Variants in RIMS2 observed in about 807,000 individuals in gnomAD.
The protein encoded by RIMS2 is regulating synaptic membrane exocytosis 2, also known as regulating synaptic membrane exocytosis protein 2.
Under a neutral mutation model 174.4 loss-of-function variants are expected in RIMS2, and 59 were observed. The observed-to-expected ratio is 0.34, with a 90% confidence interval of 0.27 to 0.42. The LOEUF (loss-of-function observed/expected upper bound fraction) is 0.42. RIMS2 is among the 10% of genes least tolerant of loss of function. The pLI is 1.00. For missense variants in RIMS2, 1,620 were observed against 1,666.3 expected (o/e 0.97, Z 0.48); for synonymous variants, 606 against 572.5 (o/e 1.06, Z -0.84).
intron 19 of RIMS2, among the ~76,000 whole-genome samples, chr8:104,188,232 TA>T (rs1273759647): frequency 2.2e-5 from 3 of 134,890 alleles, no homozygotes; most frequent in African/African-American, 5.8e-5. Flanking sequence ...GATAGATAGA[TA>T]GATAGATAGA....
chr8:103,886,176 C>T, exon 4 of RIMS2: 1 of 1,612,102 alleles, frequency 6.2e-7, no homozygotes, highest in Non-Finnish European at 8.5e-7. Flanking sequence ...CCTGAATATA[C>T]AAGTTGTGAT....
intron 1 of RIMS2, among the ~76,000 whole-genome samples, chr8:103,661,656 G>A (rs75080795): frequency 2.0e-5 from 3 of 151,944 alleles, no homozygotes; most frequent in Admixed American, 6.6e-5. Flanking sequence ...GGCACACGCC[G>A]CCACCCCTGG....
At chr8:104,006,720 A>G (rs144946776) in intron 17 of RIMS2, among the ~76,000 whole-genome samples, 2 of 150,726 alleles carry the variant, frequency 1.3e-5, no homozygotes, top group African/African-American at 2.4e-5. Flanking sequence ...GTATTTTTAC[A>G]TATGCTTCCT....
intron 2 of RIMS2, among the ~76,000 whole-genome samples, chr8:103,712,540 C>T (rs373473424): frequency 7.2e-5 from 11 of 152,056 alleles, no homozygotes; most frequent in African/African-American, 2.4e-4. Context: ...AGTTAAGCTC[C>T]TTATCAGTAG....
At chr8:103,547,535 T>C (rs1281938763) in intron 1 of RIMS2, among the ~76,000 whole-genome samples, 1 of 152,176 alleles carries the variant, frequency 6.6e-6, no homozygotes, top group East Asian at 1.9e-4. Flanking sequence ...TTTGTAGTGC[T>C]AAATGTTCAC....
At chr8:104,075,490 A>G (rs2097271822) in intron 19 of RIMS2, among the ~76,000 whole-genome samples, 1 of 152,180 alleles carries the variant, frequency 6.6e-6, no homozygotes. Flanking sequence ...AAGATCACTT[A>G]CTCATGATTT....
At position 104,143,596 on chromosome 8, in the gene RIMS2, C is replaced by A. The variant is rs75601302; in HGVS notation, c.3335-101320C>A. The stretch of plus-strand genomic sequence containing the variant: ...AAGATACCATGTTTAGGAGCTTGAC[C>A]AGTCCTACTGGGTTTGTTTCTAATC... On this transcript the variant is annotated intron_variant, in intron 19 of 23. Transcript: ENST00000504942. Among the ~76,000 whole-genome samples, 204 of 152,274 alleles carry A rather than the reference C, an allele frequency of 1.3e-3. 1 individual carries two copies. The East Asian group carries it at 0.023, about 17-fold the overall frequency.
chr8:104,201,140 C>G (rs1444000093), intron 19 of RIMS2, among the ~76,000 whole-genome samples: 1 of 152,086 alleles, frequency 6.6e-6, no homozygotes, highest in Non-Finnish European at 1.5e-5. Flanking sequence ...CCACCCTCTC[C>G]CCTCAAGTAG....
chr8:103,666,304 C>T (rs749454210), intron 1 of RIMS2, among the ~76,000 whole-genome samples: 1 of 152,160 alleles, frequency 6.6e-6, no homozygotes, highest in Non-Finnish European at 1.5e-5. Flanking sequence ...AGTTAGATTA[C>T]AGTTCACTAT....
chr8:103,978,051 C>T (rs2093597980), intron 16 of RIMS2, among the ~76,000 whole-genome samples: 1 of 152,138 alleles, frequency 6.6e-6, no homozygotes. Context: ...ACCCAGGGGA[C>T]CCACCCTTAG....
intron 19 of RIMS2, among the ~76,000 whole-genome samples, chr8:104,154,207 TA>T (rs2098707557): frequency 6.6e-6 from 1 of 152,212 alleles, no homozygotes; most frequent in Admixed American, 6.5e-5. Flanking sequence ...TCCCCAAATT[TA>T]CCCAGCTAAT....
chr8:103,991,983 C>G (rs550095045), intron 17 of RIMS2, among the ~76,000 whole-genome samples: 2 of 152,090 alleles, frequency 1.3e-5, no homozygotes, highest in African/African-American at 4.8e-5. Flanking sequence ...ATTGAAAATA[C>G]GTGCTTTAAC....
At chr8:104,076,418 T>C (rs766790746) in intron 19 of RIMS2, among the ~76,000 whole-genome samples, 1 of 152,174 alleles carries the variant, frequency 6.6e-6, no homozygotes, top group Non-Finnish European at 1.5e-5. Context: ...TGTATGTGTT[T>C]GTATAATTTC....
chr8:103,722,602 G>C (rs1348795312), intron 2 of RIMS2, among the ~76,000 whole-genome samples: 1 of 152,138 alleles, frequency 6.6e-6, no homozygotes, highest in Non-Finnish European at 1.5e-5. Flanking sequence ...AATGCAAGGC[G>C]GGGAGCTGCT....
chr8:103,553,155 A>G (rs1848820951), intron 1 of RIMS2, among the ~76,000 whole-genome samples: 1 of 152,126 alleles, frequency 6.6e-6, no homozygotes, highest in African/African-American at 2.4e-5. Flanking sequence ...ATGTGTGTTT[A>G]TTGTGGCACT....
At chr8:103,958,803 G>C (rs1043956286) in intron 14 of RIMS2, among the ~76,000 whole-genome samples, 4 of 152,146 alleles carry the variant, frequency 2.6e-5, no homozygotes, top group African/African-American at 7.2e-5. Context: ...GTTTTAGGAA[G>C]GTTGTAAGAC....
chr8:104,010,790 G>C (rs1597080780), intron 17 of RIMS2, among the ~76,000 whole-genome samples: 2 of 152,096 alleles, frequency 1.3e-5, no homozygotes, highest in South Asian at 4.1e-4. Context: ...TTTTTCAGTG[G>C]CTTACCCTTT....
At chr8:103,880,735 A>G (rs2099163242) in intron 3 of RIMS2, 1 of 456,612 alleles carries the variant, frequency 2.2e-6, no homozygotes, top group South Asian at 4.3e-5. Context: ...ATATGTAAAA[A>G]TTTATATATT....
chr8:103,527,902 A>AC (rs796133285), intron 1 of RIMS2, among the ~76,000 whole-genome samples: 120 of 152,298 alleles, frequency 7.9e-4, no homozygotes, highest in African/African-American at 2.7e-3. Flanking sequence ...TTGGGTATAT[A>AC]CCCAGTAACG....
Sources: allele counts gnomAD v4.1 joint callset (sites outside exome capture counted in the v4.1 genomes callset), GRCh38; gene constraint gnomAD v4.1.1; transcripts MANE v1.5; gene names NCBI Gene and HGNC (gene_info 2026-07-23, HGNC 2026-07-21).